Variants in GRIK1 observed in about 807,000 individuals in gnomAD.
GRIK1 encodes the protein glutamate receptor ionotropic, kainate 1.
GRIK1 carries 69 observed loss-of-function variants against 105.7 expected under a neutral mutation model. The ratio of observed to expected loss-of-function variants is 0.65; its 90% CI spans 0.54 to 0.80. GRIK1 has a LOEUF of 0.80. GRIK1 is among the 30% of genes least tolerant of loss of function. The pLI, the probability that GRIK1 is intolerant of heterozygous loss-of-function variation, is 0.00. For synonymous variants in GRIK1, 438 were observed against 431.3 expected, an observed-to-expected ratio of 1.02 and a Z score of -0.19; for missense variants, 1,109 against 1,167.3, an observed-to-expected ratio of 0.95 and a Z score of 0.73.
intron 1 of GRIK1, among the ~76,000 whole-genome samples, chr21:29,919,615 T>C (rs1224524768): frequency 6.6e-6 from 1 of 152,118 alleles, no homozygotes. Flanking sequence ...CTAAATGACT[T>C]ACAGGAGAAC....
At chr21:29,932,972 G>A (rs2071624423) in intron 1 of GRIK1, among the ~76,000 whole-genome samples, 1 of 150,952 alleles carries the variant, frequency 6.6e-6, no homozygotes. Flanking sequence ...CAAATTTTAT[G>A]CTAATAAAAT....
chr21:29,751,975 A>T (rs1400946611), intron 1 of GRIK1, among the ~76,000 whole-genome samples: 1 of 152,216 alleles, frequency 6.6e-6, no homozygotes, highest in Non-Finnish European at 1.5e-5. Context: ...AATTGCTTCC[A>T]AATATGGTTA....
rs34910439 is a variant in GRIK1 at position 29,541,575 on chromosome 21, C to CTTTTTTTTTTTTTTTTTTTTTTTTTTTTT, written c.2608-3692_2608-3691insAAAAAAAAAAAAAAAAAAAAAAAAAAAAA. ...CTATGCCATTCATTGCACTCACGGT[C>CTTTTTTTTTTTTTTTTTTTTTTTTTTTTT]TTTTTTTTTTTTTTTTTTTTTGTGG... On this transcript the variant is annotated intron_variant, in intron 16 of 17. Transcript: ENST00000327783. 3.8e-4 allele frequency among the ~76,000 whole-genome samples: 36 copies of CTTTTTTTTTTTTTTTTTTTTTTTTTTTTT among 95,968 alleles called. 7 individuals carry two copies. Among genetic ancestry groups the CTTTTTTTTTTTTTTTTTTTTTTTTTTTTT allele is most frequent in the African/African-American group, 1.2e-3 (25 of 20,954 alleles). 63.0% of individuals were successfully genotyped at this position (95,968 alleles called of 152,430 possible).
chr21:29,744,362 G>A (rs1341375123), intron 1 of GRIK1, among the ~76,000 whole-genome samples: 9 of 152,132 alleles, frequency 5.9e-5, no homozygotes, highest in Non-Finnish European at 1.3e-4. Context: ...TTTATTAAAG[G>A]CCAACCAACT....
At chr21:29,781,667 T>C (rs1385212341) in intron 1 of GRIK1, among the ~76,000 whole-genome samples, 1 of 121,362 alleles carries the variant, frequency 8.2e-6, no homozygotes, top group Non-Finnish European at 1.8e-5. Context: ...CTTTTTTTTT[T>C]TTTTTTTTTT....
intron 1 of GRIK1, among the ~76,000 whole-genome samples, chr21:29,842,877 G>A (rs2068018401): frequency 6.6e-6 from 1 of 152,102 alleles, no homozygotes; most frequent in African/African-American, 2.4e-5. Flanking sequence ...ACCCCTATAG[G>A]CTTCCTTTCC....
intron 16 of GRIK1, among the ~76,000 whole-genome samples, chr21:29,549,205 C>A (rs1423347134): frequency 6.6e-6 from 1 of 152,174 alleles, no homozygotes; most frequent in Non-Finnish European, 1.5e-5. Flanking sequence ...CACAGACAAT[C>A]TGTTATTATT....
chr21:29,537,222 T>TC lies in GRIK1; in HGVS notation c.*7dup. On this transcript the variant is annotated 3_prime_UTR_variant, in exon 18 of 18. Coordinates refer to ENST00000327783, the MANE Select transcript of GRIK1 (RefSeq NM_001330994.2). ...CATCCTTTTTCTTCCTACAGGCGTT[T>TC]CCTTGGATCACGCCACAGTCTCTTT... is the stretch of plus-strand genomic sequence containing the variant. 6.3e-7 allele frequency: 1 copy of TC among 1,577,220 alleles called. No homozygotes were observed. The highest frequency in any genetic ancestry group is 8.6e-7 in the Non-Finnish European group (1 of 1,166,718).
chr21:29,552,826 T>C (rs1434957769), intron 16 of GRIK1, among the ~76,000 whole-genome samples: 1 of 151,978 alleles, frequency 6.6e-6, no homozygotes, highest in African/African-American at 2.4e-5. Flanking sequence ...TAAATGTTAT[T>C]TGAGAGTTTG....
At chr21:29,653,145 A>G (rs1004289965) in intron 5 of GRIK1, among the ~76,000 whole-genome samples, 6 of 152,370 alleles carry the variant, frequency 3.9e-5, no homozygotes, top group East Asian at 3.9e-4. Flanking sequence ...AAAGGATGAA[A>G]GAAGCAAAGT....
chr21:29,813,338 G>A (rs916425527), intron 1 of GRIK1, among the ~76,000 whole-genome samples: 2 of 152,074 alleles, frequency 1.3e-5, no homozygotes, highest in African/African-American at 4.8e-5. Context: ...CCCAAACTAA[G>A]TGTTGGTTCA....
At chr21:29,605,449 CT>C (rs1319959213) in intron 7 of GRIK1, among the ~76,000 whole-genome samples, 5 of 152,066 alleles carry the variant, frequency 3.3e-5, no homozygotes, top group Admixed American at 3.3e-4. Flanking sequence ...ACCACATTTT[CT>C]TTTTTCAGTC....
chr21:29,791,011 T>A (rs551076489), intron 1 of GRIK1, among the ~76,000 whole-genome samples: 1 of 152,104 alleles, frequency 6.6e-6, no homozygotes, highest in Admixed American at 6.6e-5. Flanking sequence ...GTGGTCTGAG[T>A]AGGTGACACT....
intron 13 of GRIK1, among the ~76,000 whole-genome samples, chr21:29,580,458 T>G (rs1394295669): frequency 6.7e-6 from 1 of 148,244 alleles, no homozygotes; most frequent in African/African-American, 2.5e-5. Context: ...CTATTTACTA[T>G]TTCAGTATTA....
chr21:29,680,424 A>G (rs2063349186), intron 3 of GRIK1, among the ~76,000 whole-genome samples: 1 of 152,194 alleles, frequency 6.6e-6, no homozygotes, highest in African/African-American at 2.4e-5. Flanking sequence ...TATTGCCTCC[A>G]TCTCTTCCCT....
chr21:29,584,500 T>A (rs1403446354), intron 12 of GRIK1, among the ~76,000 whole-genome samples: 6 of 152,208 alleles, frequency 3.9e-5, no homozygotes. Context: ...AACCCTGACA[T>A]ACACACTTAA....
At chr21:29,875,624 T>G (rs2069165563) in intron 1 of GRIK1, among the ~76,000 whole-genome samples, 2 of 152,196 alleles carry the variant, frequency 1.3e-5, no homozygotes, top group South Asian at 4.1e-4. Context: ...CTTCTCTTCT[T>G]TTTAAAGAAA....
chr21:29,914,544 G>A (rs1011228364), intron 1 of GRIK1, among the ~76,000 whole-genome samples: 16 of 152,070 alleles, frequency 1.1e-4, no homozygotes, highest in Non-Finnish European at 2.1e-4. Context: ...TGCCAATCCT[G>A]ACCTACTAAC....
intron 1 of GRIK1, among the ~76,000 whole-genome samples, chr21:29,728,130 C>G (rs2146885917): frequency 6.6e-6 from 1 of 152,292 alleles, no homozygotes; most frequent in Non-Finnish European, 1.5e-5. Flanking sequence ...ATCAGCTACC[C>G]AGGTATTCCT....
Sources: allele counts gnomAD v4.1 joint callset (sites outside exome capture counted in the v4.1 genomes callset), GRCh38; gene constraint gnomAD v4.1.1; transcripts MANE v1.5; gene names NCBI Gene and HGNC (gene_info 2026-07-23, HGNC 2026-07-21).